The following BCKDHB variants were observed in gnomAD, a reference collection of about 807,000 sequenced individuals.
The protein encoded by BCKDHB is branched chain keto acid dehydrogenase E1 subunit beta, also known as 2-oxoisovalerate dehydrogenase subunit beta, mitochondrial.
A neutral mutation model predicts 48.5 loss-of-function variants in BCKDHB; 41 were observed. The observed-to-expected ratio is 0.85, with a 90% CI of 0.66 to 1.10. BCKDHB has a LOEUF of 1.10. Ranked by LOEUF, BCKDHB falls within the 50% of genes least tolerant of loss-of-function variation. The pLI is 0.00. For synonymous variants in BCKDHB, 201 were observed against 174.8 expected (o/e 1.15, Z -1.18); for missense variants, 496 against 494.2 (o/e 1.00, Z -0.03).
the BCKDHB span, among the ~76,000 whole-genome samples, chr6:80,404,332 A>G: frequency 3.9e-5 from 6 of 152,060 alleles, no homozygotes; most frequent in East Asian, 1.2e-3. Context: ...AGAATGATCC[A>G]TCTCTTCTAG....
chr6:80,351,079 G>A (rs958642613), downstream of BCKDHB, among the ~76,000 whole-genome samples: 3 of 152,168 alleles, frequency 2.0e-5, no homozygotes, highest in Non-Finnish European at 4.4e-5. Context: ...ATGATATTAT[G>A]TACATTTAAC....
the BCKDHB span, among the ~76,000 whole-genome samples, chr6:80,384,514 A>G: frequency 6.6e-6 from 1 of 152,004 alleles, no homozygotes; most frequent in Non-Finnish European, 1.5e-5. Context: ...CCCTGCCACA[A>G]TGCCTGGCTA....
At chr6:80,254,570 T>A (rs1009539786) in intron 8 of BCKDHB, among the ~76,000 whole-genome samples, 2 of 151,962 alleles carry the variant, frequency 1.3e-5, no homozygotes, top group African/African-American at 4.8e-5. Context: ...GTTGATGAAG[T>A]CCACCTTTGG....
At chr6:80,383,553 T>C in the BCKDHB span, among the ~76,000 whole-genome samples, 1 of 152,128 alleles carries the variant, frequency 6.6e-6, no homozygotes, top group African/African-American at 2.4e-5. Context: ...TAATATTTCC[T>C]AGCTTCAAAT....
chr6:80,422,297 G>A, the BCKDHB span, among the ~76,000 whole-genome samples: 5 of 152,314 alleles, frequency 3.3e-5, no homozygotes, highest in Non-Finnish European at 5.9e-5. Context: ...TGAGCTTTGG[G>A]AATCTCTGCC....
the BCKDHB span, among the ~76,000 whole-genome samples, chr6:80,361,888 G>A: frequency 3.9e-5 from 6 of 152,320 alleles, no homozygotes; most frequent in Admixed American, 6.5e-5. Flanking sequence ...CTGAGAGAAA[G>A]AACACGCATG....
the BCKDHB span, among the ~76,000 whole-genome samples, chr6:80,394,843 C>T: frequency 1.3e-5 from 2 of 152,054 alleles, no homozygotes; most frequent in Non-Finnish European, 2.9e-5. Flanking sequence ...GAGAGGGACC[C>T]AGTGGGAGGT....
chr6:80,367,898 T>C, the BCKDHB span, among the ~76,000 whole-genome samples: 1 of 152,236 alleles, frequency 6.6e-6, no homozygotes, highest in Non-Finnish European at 1.5e-5. Context: ...CATCCAACTT[T>C]GCTTACAAAA....
At chr6:80,283,876 T>A (rs1330188305) in intron 9 of BCKDHB, among the ~76,000 whole-genome samples, 1 of 152,132 alleles carries the variant, frequency 6.6e-6, no homozygotes, top group Non-Finnish European at 1.5e-5. Flanking sequence ...CAGCAGATAA[T>A]GTATCCATAA....
the BCKDHB span, among the ~76,000 whole-genome samples, chr6:80,437,475 A>G: frequency 3.3e-5 from 5 of 152,048 alleles, no homozygotes; most frequent in African/African-American, 1.2e-4. Context: ...TGGAACAATG[A>G]TCTCCCAGCC....
At chr6:80,108,416 A>T (rs1185606679) in intron 1 of BCKDHB, among the ~76,000 whole-genome samples, 4 of 151,468 alleles carry the variant, frequency 2.6e-5, no homozygotes, top group Non-Finnish European at 5.9e-5. Flanking sequence ...AAATAGTCCA[A>T]CTTTCCATAG....
intron 6 of BCKDHB, among the ~76,000 whole-genome samples, chr6:80,192,302 T>TGG (rs1289591860): frequency 1.3e-5 from 2 of 152,164 alleles, no homozygotes; most frequent in Admixed American, 1.3e-4. Context: ...AAACTCTATG[T>TGG]GCTGATGTAG....
At chr6:80,440,293 G>T in the BCKDHB span, among the ~76,000 whole-genome samples, 1 of 152,076 alleles carries the variant, frequency 6.6e-6, no homozygotes, top group Admixed American at 6.6e-5. Context: ...CAATGACTAA[G>T]TACTCAACAA....
chr6:80,115,875 A>G (rs1180250379), intron 1 of BCKDHB, among the ~76,000 whole-genome samples: 2 of 150,728 alleles, frequency 1.3e-5, no homozygotes, highest in African/African-American at 4.9e-5. Flanking sequence ...TGACCTCATG[A>G]TCCACCCCCC....
At chr6:80,290,271 G>A (rs1361973036) in intron 9 of BCKDHB, among the ~76,000 whole-genome samples, 2 of 152,170 alleles carry the variant, frequency 1.3e-5, no homozygotes, top group Non-Finnish European at 2.9e-5. Context: ...GGGGAGCAGG[G>A]TATGCCTACC....
intron 8 of BCKDHB, among the ~76,000 whole-genome samples, chr6:80,254,206 T>G (rs1776953915): frequency 6.6e-6 from 1 of 151,394 alleles, no homozygotes. Flanking sequence ...ACTTTATTAT[T>G]TTATTATTAT....
intron 5 of BCKDHB, chr6:80,169,798 T>G: frequency 6.2e-7 from 1 of 1,601,712 alleles, no homozygotes; most frequent in Non-Finnish European, 8.5e-7. Context: ...TTCTTATTTG[T>G]TTTTTCTACC....
the BCKDHB span, among the ~76,000 whole-genome samples, chr6:80,432,296 G>C: frequency 6.6e-6 from 1 of 152,080 alleles, no homozygotes; most frequent in Non-Finnish European, 1.5e-5. Context: ...GTTACATTCT[G>C]CCCATCAATT....
chr6:80,448,120 G>A, the BCKDHB span, among the ~76,000 whole-genome samples: 1 of 152,104 alleles, frequency 6.6e-6, no homozygotes, highest in Non-Finnish European at 1.5e-5. Flanking sequence ...TTAAGTAGAT[G>A]ACTGAGTGGT....
Sources: gnomAD v4.1 joint callset for allele counts (sites outside exome capture counted in the v4.1 genomes callset) on GRCh38, gnomAD v4.1.1 for gene constraint, MANE v1.5 for transcripts, NCBI Gene and HGNC (gene_info 2026-07-23, HGNC 2026-07-21) for gene names.